Variants in ERICH1 observed in about 807,000 individuals in gnomAD.
ERICH1 encodes glutamate rich 1, also known as glutamate-rich protein 1.
A neutral mutation model predicts 39.6 loss-of-function variants in ERICH1; 56 were observed. The ratio of observed to expected loss-of-function variants is 1.41; its 90% CI spans 1.14 to 1.77. The LOEUF is 1.77. Ranked by LOEUF, ERICH1 falls within the 40% of genes most tolerant of loss-of-function variation. The pLI is 0.00. For synonymous variants in ERICH1, 313 were observed against 223.6 expected (o/e 1.40, Z -3.57); for missense variants, 826 against 575.4 (o/e 1.44, Z -4.45).
At chr8:668,501 C>G (rs770314145) in intron 5 of ERICH1, 97 bp downstream of exon 5, 6 of 1,303,764 alleles carry the variant, frequency 4.6e-6, no homozygotes, top group African/African-American at 4.4e-5. Context: ...TCATATTTTC[C>G]AACTCATTGC....
intron 1 of ERICH1, among the ~76,000 whole-genome samples, chr8:724,254 T>C (rs1248383328): frequency 6.6e-6 from 1 of 152,146 alleles, no homozygotes; most frequent in Non-Finnish European, 1.5e-5. Flanking sequence ...CTCAGGATGC[T>C]GCGTCAGGAG....
intron 1 of ERICH1, among the ~76,000 whole-genome samples, chr8:720,359 C>G (rs926353703): frequency 6.6e-6 from 1 of 152,204 alleles, no homozygotes; most frequent in Admixed American, 6.5e-5. Context: ...AGGACGCATG[C>G]TGGCACCGCG....
rs774189143 is a variant in ERICH1, at chr8:673,947, T to C, written c.405A>G (p.Glu135=). ...NPNNVLIEQA[E]LEKQQSLLQE... is the part of the protein sequence containing the mutation. Reference sequence around the variant, plus strand: ...GTAACAGACTCTGCTGTTTCTCTAATTCTGCTTGTTCTATAAGAACATTAT... The same window carrying C: ...GTAACAGACTCTGCTGTTTCTCTAACTCTGCTTGTTCTATAAGAACATTAT... The change falls in exon 4 of 6, where the codon GAA becomes GAG. Residue 135 remains glutamate (E), a synonymous_variant. Transcript: ENST00000262109. 7.5e-6 allele frequency: 12 copies of C among 1,610,544 alleles called. No individual in the cohort carries two copies. Among genetic ancestry groups the C allele is most frequent in the South Asian group, 3.3e-5 (3 of 90,022 alleles).
Position 713,559 on chromosome 8 carries a change from G to C in ERICH1, c.169+2302C>G, listed in dbSNP as rs114905016. Among the ~76,000 whole-genome samples, 804 of 152,214 alleles carry C rather than the reference G, an allele frequency of 5.3e-3. 8 individuals carry two copies. Among genetic ancestry groups the C allele is most frequent in the African/African-American group, 0.018 (760 of 41,520 alleles). On this transcript the variant is annotated intron_variant, in intron 2 of 5. Coordinates refer to ENST00000262109, the MANE Select transcript of ERICH1 (RefSeq NM_207332.3). ...CTCACTTGTCTTCTATCCTTGACCAGAACGGTGTCTGTGGCACTCATCACA... is the reference window on the plus strand; with the variant it reads ...CTCACTTGTCTTCTATCCTTGACCACAACGGTGTCTGTGGCACTCATCACA...
chr8:646,087 A>C (rs55926708), intron 3 of ERICH1, among the ~76,000 whole-genome samples: 4,517 of 69,206 alleles, frequency 0.065, 1,641 homozygotes, highest in African/African-American at 0.16. Flanking sequence ...TCTTTCTCTG[A>C]AGGTTTGGCA....
chr8:641,370 G>A (rs1798957330), intron 3 of ERICH1, among the ~76,000 whole-genome samples: 1 of 152,192 alleles, frequency 6.6e-6, no homozygotes, highest in Admixed American at 6.5e-5. Flanking sequence ...AGTGTTTACA[G>A]GGCCTCATTT....
intron 2 of ERICH1, among the ~76,000 whole-genome samples, chr8:707,071 C>G (rs1204613976): frequency 6.6e-6 from 1 of 151,984 alleles, no homozygotes; most frequent in Admixed American, 6.6e-5. Context: ...CTTCTCAATT[C>G]AAAACTTAGT....
intron 3 of ERICH1, among the ~76,000 whole-genome samples, chr8:683,118 C>A (rs1806503832): frequency 6.6e-6 from 1 of 152,192 alleles, no homozygotes; most frequent in South Asian, 2.1e-4. Context: ...CAGACGCGGA[C>A]ACTCCGGCCT....
At position 644,747 on chromosome 8, in the gene ERICH1, A is replaced by C. The variant is rs145448919; in HGVS notation, c.976+23851T>G. ...TGACCCGTTCTATGACAGACGTGTCACCAACCTATCCAACCACTTCTCTCC... is the reference window on the plus strand; with the variant it reads ...TGACCCGTTCTATGACAGACGTGTCCCCAACCTATCCAACCACTTCTCTCC... On this transcript the variant is annotated intron_variant, in intron 3 of 3. Transcript: ENST00000522706. Among the ~76,000 whole-genome samples the C allele has an allele frequency of 1.0e-4, 7 of 67,852 alleles. 3 individuals carry two copies. In the East Asian group the frequency reaches 2.1e-3, roughly 21 times the overall value. 44.5% of individuals were successfully genotyped at this position (67,852 alleles called of 152,430 possible).
At chr8:671,677 CTG>C in intron 4 of ERICH1, 2 of 162,010 alleles carry the variant, frequency 1.2e-5, no homozygotes, top group South Asian at 1.2e-4. Context: ...GCCCTAATGT[CTG>C]TGCTCACTGG....
In ERICH1 at chr8:649,298, A is replaced by G. The variant is rs145490406; in HGVS notation, c.976+19300T>C. 9.3e-4 allele frequency among the ~76,000 whole-genome samples: 54 copies of G among 57,860 alleles called. 20 individuals carry two copies. The highest frequency in any genetic ancestry group is 2.1e-3 in the African/African-American group (50 of 23,432). 38.0% of individuals were successfully genotyped at this position (57,860 alleles called of 152,430 possible). A position where few individuals can be genotyped will look rare whatever the true frequency, so the allele number is the denominator to read the frequency against. ...GCCAGTGCAGCTGTCTTTAGAATAA[A>G]CAAATATTTAGCTAAAATAACACAT... is the stretch of plus-strand genomic sequence containing the variant. On this transcript the variant is annotated intron_variant, in intron 3 of 3. Coordinates refer to the ERICH1 transcript ENST00000522706.
intron 3 of ERICH1, among the ~76,000 whole-genome samples, chr8:634,628 G>A (rs942646813): frequency 1.3e-5 from 2 of 152,156 alleles, no homozygotes; most frequent in East Asian, 1.9e-4. Context: ...TGTGTGCGCA[G>A]AAGGACAGCT....
chr8:705,513 A>G (rs1053335131), intron 2 of ERICH1, among the ~76,000 whole-genome samples: 1 of 152,254 alleles, frequency 6.6e-6, no homozygotes, highest in African/African-American at 2.4e-5. Flanking sequence ...AACTGGGCAT[A>G]GAAGGGAACT....
At chr8:698,002 G>A (rs1173519960) in intron 2 of ERICH1, among the ~76,000 whole-genome samples, 2 of 152,106 alleles carry the variant, frequency 1.3e-5, no homozygotes, top group African/African-American at 2.4e-5. Context: ...GAGAGCTCAC[G>A]GGGGCCACCG....
chr8:622,170 T>A (rs1209126638), intron 3 of ERICH1, among the ~76,000 whole-genome samples: 1 of 152,180 alleles, frequency 6.6e-6, no homozygotes, highest in Admixed American at 6.5e-5. Flanking sequence ...TACAGTGGCC[T>A]AAGATTGTGC....
intron 2 of ERICH1, among the ~76,000 whole-genome samples, chr8:702,990 C>T (rs898576230): frequency 6.6e-6 from 1 of 152,200 alleles, no homozygotes; most frequent in African/African-American, 2.4e-5. Context: ...CCAGAACTGC[C>T]CACACCACCC....
At chr8:621,411 G>C (rs1663468690) in intron 3 of ERICH1, among the ~76,000 whole-genome samples, 1 of 151,982 alleles carries the variant, frequency 6.6e-6, no homozygotes, top group African/African-American at 2.4e-5. Flanking sequence ...ATGTTAATTA[G>C]CTTGATATAA....
intron 2 of ERICH1, among the ~76,000 whole-genome samples, chr8:694,280 C>A (rs1585376752): frequency 1.3e-5 from 2 of 152,198 alleles, no homozygotes; most frequent in East Asian, 1.9e-4. Context: ...TCATTCCCTG[C>A]CGGAGCCAAG....
At chr8:690,618 G>T (rs1456614221) in intron 3 of ERICH1, among the ~76,000 whole-genome samples, 1 of 152,210 alleles carries the variant, frequency 6.6e-6, no homozygotes, top group Admixed American at 6.5e-5. Flanking sequence ...CACCAGGTAT[G>T]CCACCCCTGC....
Sources: allele counts gnomAD v4.1 joint callset (sites outside exome capture counted in the v4.1 genomes callset), GRCh38; gene constraint gnomAD v4.1.1; transcripts MANE v1.5; gene names NCBI Gene and HGNC (gene_info 2026-07-23, HGNC 2026-07-21).